The following LDLRAD3 variants were observed in gnomAD, a reference collection of about 807,000 sequenced individuals.
LDLRAD3 encodes low-density lipoprotein receptor class A domain-containing protein 3.
Under a neutral mutation model 29.4 loss-of-function variants are expected in LDLRAD3, and 20 were observed. That is an observed-to-expected ratio of 0.68 (90% CI 0.48 to 0.99). The LOEUF (loss-of-function observed/expected upper bound fraction) is 0.99, where lower values mean the gene tolerates loss of function less well. LDLRAD3 is among the 50% of genes least tolerant of loss of function. The probability of loss-of-function intolerance (pLI) is 0.00; values close to 1 mark genes in which losing one functional copy is unlikely to be tolerated. For missense variants in LDLRAD3, 420 were observed against 454.3 expected, an observed-to-expected ratio of 0.92 and a Z score of 0.69; for synonymous variants, 157 against 192.7, an observed-to-expected ratio of 0.81 and a Z score of 1.53.
At chr11:36,016,734 A>T (rs191053335) in intron 1 of LDLRAD3, among the ~76,000 whole-genome samples, 37 of 152,360 alleles carry the variant, frequency 2.4e-4, no homozygotes, top group Non-Finnish European at 4.1e-4. Context: ...TGTAAATACC[A>T]GTACACTATA....
chr11:35,974,552 C>T (rs1453175094), intron 1 of LDLRAD3, among the ~76,000 whole-genome samples: 2 of 152,202 alleles, frequency 1.3e-5, no homozygotes, highest in East Asian at 1.9e-4. Context: ...ATCTGAGACT[C>T]GACTGGGGAA....
At chr11:36,043,372 C>T (rs1852407097) in intron 2 of LDLRAD3, among the ~76,000 whole-genome samples, 1 of 152,188 alleles carries the variant, frequency 6.6e-6, no homozygotes, top group African/African-American at 2.4e-5. Context: ...GTCTAACAGG[C>T]TGACGTCTGC....
intron 4 of LDLRAD3, among the ~76,000 whole-genome samples, chr11:36,157,030 A>T (rs1249948243): frequency 6.6e-6 from 1 of 152,200 alleles, no homozygotes; most frequent in Non-Finnish European, 1.5e-5. Flanking sequence ...AGAGGATGGG[A>T]AACAGCGTAA....
chr11:36,145,225 C>CA (rs1554968417), intron 4 of LDLRAD3, among the ~76,000 whole-genome samples: 1 of 70,798 alleles, frequency 1.4e-5, no homozygotes, highest in African/African-American at 6.4e-5. Flanking sequence ...GCCCCCCACC[C>CA]GCCAGCCGCC....
At chr11:36,173,269 G>A (rs1301373092) in intron 4 of LDLRAD3, among the ~76,000 whole-genome samples, 2 of 151,660 alleles carry the variant, frequency 1.3e-5, no homozygotes, top group African/African-American at 4.8e-5. Context: ...CATGTGCCAT[G>A]TTGGTGTGCT....
At chr11:36,214,974 A>G (rs1855331995) in intron 4 of LDLRAD3, among the ~76,000 whole-genome samples, 1 of 152,228 alleles carries the variant, frequency 6.6e-6, no homozygotes, top group Non-Finnish European at 1.5e-5. Flanking sequence ...AAGAGAGACA[A>G]TTAAATACAA....
At chr11:36,023,252 A>G (rs1852120861) in intron 1 of LDLRAD3, among the ~76,000 whole-genome samples, 1 of 152,208 alleles carries the variant, frequency 6.6e-6, no homozygotes, top group African/African-American at 2.4e-5. Flanking sequence ...ATGATGGAAG[A>G]TTATGGATAA....
chr11:36,087,164 CT>C (rs1209526842), intron 3 of LDLRAD3, among the ~76,000 whole-genome samples: 1 of 152,014 alleles, frequency 6.6e-6, no homozygotes, highest in African/African-American at 2.4e-5. Flanking sequence ...GAAAAGGGAA[CT>C]TACAGATTAA....
intron 4 of LDLRAD3, among the ~76,000 whole-genome samples, chr11:36,125,279 A>G (rs774538145): frequency 6.6e-6 from 1 of 152,196 alleles, no homozygotes; most frequent in Non-Finnish European, 1.5e-5. Flanking sequence ...GGTCTCTGAA[A>G]GCAACTTCCC....
intron 1 of LDLRAD3, among the ~76,000 whole-genome samples, chr11:35,977,195 G>A (rs1851487273): frequency 6.6e-6 from 1 of 152,050 alleles, no homozygotes; most frequent in Non-Finnish European, 1.5e-5. Context: ...GTACCTCATG[G>A]CCCAAGATGA....
intron 4 of LDLRAD3, among the ~76,000 whole-genome samples, chr11:36,126,576 G>A (rs966772454): frequency 2.6e-5 from 4 of 152,136 alleles, no homozygotes; most frequent in African/African-American, 9.7e-5. Context: ...CTGTGCCTTT[G>A]GGGCAGCGGA....
intron 1 of LDLRAD3, among the ~76,000 whole-genome samples, chr11:36,016,462 TC>T (rs966337467): frequency 4.6e-5 from 7 of 152,340 alleles, no homozygotes; most frequent in Admixed American, 4.6e-4. Flanking sequence ...GATGACTGTT[TC>T]CTTTTGGGTT....
At chr11:36,097,918 A>C (rs114298036) in intron 3 of LDLRAD3, among the ~76,000 whole-genome samples, 101 of 152,358 alleles carry the variant, frequency 6.6e-4, no homozygotes, top group African/African-American at 2.4e-3. Context: ...TCTAAAAAGG[A>C]GCCAAAGGCA....
intron 4 of LDLRAD3, among the ~76,000 whole-genome samples, chr11:36,192,967 C>T (rs956481277): frequency 6.6e-6 from 1 of 152,138 alleles, no homozygotes; most frequent in African/African-American, 2.4e-5. Context: ...ACTTCACTTC[C>T]CTGATCCTCC....
intron 1 of LDLRAD3, among the ~76,000 whole-genome samples, 184 bp from the exon 2 acceptor site, chr11:36,035,919 A>T (rs1852297627): frequency 6.6e-6 from 1 of 152,208 alleles, no homozygotes; most frequent in Non-Finnish European, 1.5e-5. Flanking sequence ...TAGTCCTCTC[A>T]GAATCTCTGG....
At chr11:36,044,980 A>T (rs1047857195) in intron 2 of LDLRAD3, among the ~76,000 whole-genome samples, 1 of 152,188 alleles carries the variant, frequency 6.6e-6, no homozygotes, top group East Asian at 1.9e-4. Flanking sequence ...AGTCTTTTCC[A>T]CCTTCACCAC....
intron 1 of LDLRAD3, among the ~76,000 whole-genome samples, chr11:35,988,084 G>A (rs1171332111): frequency 6.6e-6 from 1 of 152,046 alleles, no homozygotes; most frequent in Admixed American, 6.6e-5. Flanking sequence ...TTGAGACATG[G>A]TCTCACTCTG....
At position 36,169,205 on chromosome 11, in the gene LDLRAD3, A is replaced by G. The variant is rs76033143; in HGVS notation, c.455-57880A>G. Reference sequence around the variant, plus strand: ...GTAGTGTTTATGGGGTACATGTGATATTTTGACAAATGCATACAATGCATA... The same window carrying G: ...GTAGTGTTTATGGGGTACATGTGATGTTTTGACAAATGCATACAATGCATA... On this transcript the variant is annotated intron_variant, in intron 4 of 5. Coordinates refer to ENST00000315571, the MANE Select transcript of LDLRAD3 (RefSeq NM_174902.4). Among the ~76,000 whole-genome samples, 1,355 of 152,314 alleles carry G rather than the reference A, an allele frequency of 8.9e-3. 26 individuals carry two copies. The highest frequency in any genetic ancestry group is 0.031 in the African/African-American group (1,296 of 41,556).
chr11:36,190,763 A>G (rs1299367007), intron 4 of LDLRAD3, among the ~76,000 whole-genome samples: 3 of 152,158 alleles, frequency 2.0e-5, no homozygotes, highest in African/African-American at 7.2e-5. Context: ...ACCACACCAA[A>G]CACATCATTA....
Sources: gnomAD v4.1 joint callset for allele counts (sites outside exome capture counted in the v4.1 genomes callset) on GRCh38, gnomAD v4.1.1 for gene constraint, MANE v1.5 for transcripts, NCBI Gene and HGNC (gene_info 2026-07-23, HGNC 2026-07-21) for gene names.